ITGAM: variants seen among roughly 807,000 people sequenced by gnomAD.
ITGAM encodes the protein integrin subunit alpha M.
ITGAM carries 79 observed loss-of-function variants against 137.5 expected under a neutral mutation model. The ratio of observed to expected loss-of-function variants is 0.57; its 90% confidence interval spans 0.48 to 0.69. The LOEUF (loss-of-function observed/expected upper bound fraction) is 0.69. ITGAM is among the 30% of genes least tolerant of loss of function. The pLI is 0.00. For missense variants in ITGAM, 1,343 were observed against 1,483.5 expected, an observed-to-expected ratio of 0.91 and a Z score of 1.56; for synonymous variants, 583 against 592.3, an observed-to-expected ratio of 0.98 and a Z score of 0.23.
chr16:31,267,479 A>G (rs1293426612), intron 5 of ITGAM, among the ~76,000 whole-genome samples: 1 of 152,006 alleles, frequency 6.6e-6, no homozygotes. Flanking sequence ...ATTCTAAAGG[A>G]GCTGTAACAC....
chr16:31,287,321 A>T (rs2080039065), intron 12 of ITGAM, among the ~76,000 whole-genome samples: 1 of 151,712 alleles, frequency 6.6e-6, no homozygotes, highest in African/African-American at 2.4e-5. Context: ...CAGCTTTGTT[A>T]TTTTTGCTTA....
chr16:31,260,786 C>T (rs1208169108), intron 1 of ITGAM, among the ~76,000 whole-genome samples: 3 of 152,110 alleles, frequency 2.0e-5, no homozygotes, highest in Non-Finnish European at 4.4e-5. Context: ...CCTGGGGGCC[C>T]GATATGGCCC....
At chr16:31,314,827 T>G (rs1346529239) in intron 14 of ITGAM, among the ~76,000 whole-genome samples, 6 of 150,432 alleles carry the variant, frequency 4.0e-5, no homozygotes, top group South Asian at 4.2e-4. Flanking sequence ...CAGGGTTTTT[T>G]TTTTTTTTTT....
Position 31,331,986 on chromosome 16 carries a change from TGTGTGTGCAA to T in ITGAM, c.*289_*298del, listed in dbSNP as rs1439589300. On this transcript the variant is annotated 3_prime_UTR_variant, in exon 30 of 30. Coordinates refer to ENST00000544665, the MANE Select transcript of ITGAM (RefSeq NM_000632.4). ...GTCCAAGTGTGTGTGCGTGTGTCCA[TGTGTGTGCAA>T]GTGTGTGCATGTGTGCGAGTGTGTG... 5.6e-5 allele frequency: 28 copies of T among 502,452 alleles called. No homozygotes were observed. Among genetic ancestry groups the T allele is most frequent in the Admixed American group, 5.0e-4 (13 of 26,042 alleles). The allele number at this position is 502,452 out of a possible 1,614,324, so 31.1% of individuals were successfully genotyped here.
intron 12 of ITGAM, among the ~76,000 whole-genome samples, chr16:31,286,101 T>C (rs1024964208): frequency 1.3e-5 from 2 of 152,204 alleles, no homozygotes; most frequent in Non-Finnish European, 2.9e-5. Flanking sequence ...CATGCAGTAT[T>C]TGATTTTCTG....
At position 31,276,872 on chromosome 16, in the gene ITGAM, GT is replaced by G. The variant is rs1371587671; in HGVS notation, c.1084-46del. On this transcript the variant is annotated intron_variant, in intron 10 of 29. Coordinates refer to ENST00000544665, the MANE Select transcript of ITGAM (RefSeq NM_000632.4). ...GGAAGTAGCTCTGTGAGGGGCAGCGGTTGTCCCTTCTTCCTTCCTCATCAAC... is the reference window on the plus strand; with the variant it reads ...GGAAGTAGCTCTGTGAGGGGCAGCGGTGTCCCTTCTTCCTTCCTCATCAAC... 1.9e-6 allele frequency: 3 copies of G among 1,596,632 alleles called. No homozygotes were observed. In the African/African-American group the frequency reaches 4.0e-5, roughly 21 times the overall value.
chr16:31,321,775 G>GACAATAGCCTGCTCA, intron 16 of ITGAM, 148 bp downstream of exon 16: 1 of 811,998 alleles, frequency 1.2e-6, no homozygotes, highest in Non-Finnish European at 1.9e-6. Context: ...GAGTGAGCAG[G>GACAATAGCCTGCTCA]CTATTGTCCT....
chr16:31,300,566 T>A (rs893194815), intron 14 of ITGAM, among the ~76,000 whole-genome samples: 6 of 152,244 alleles, frequency 3.9e-5, no homozygotes, highest in African/African-American at 1.4e-4. Context: ...GTATTGGGCA[T>A]TTTTGTGTCT....
intron 14 of ITGAM, among the ~76,000 whole-genome samples, chr16:31,305,270 G>A (rs879162538): frequency 6.6e-6 from 1 of 152,020 alleles, no homozygotes; most frequent in Non-Finnish European, 1.5e-5. Flanking sequence ...TGTCATTGTT[G>A]GTGTATAGCA....
At chr16:31,288,906 T>C (rs2080057677) in intron 12 of ITGAM, among the ~76,000 whole-genome samples, 1 of 151,668 alleles carries the variant, frequency 6.6e-6, no homozygotes, top group Non-Finnish European at 1.5e-5. Context: ...TCAAACAAAT[T>C]TACAAGAAAA....
chr16:31,330,188 G>T lies in ITGAM; in HGVS notation c.3060+24G>T, dbSNP rs375209484. The T allele has an allele frequency of 2.5e-6, 4 of 1,609,668 alleles. No homozygotes were observed. The East Asian group carries it at 8.9e-5, about 36-fold the overall frequency. ...TGGTGAGAAGCTAAGTCAGCCCCAG[G>T]GCCACACAGAGACCCAGAGCGCTTC... is the stretch of plus-strand genomic sequence containing the variant. On this transcript the variant is annotated intron_variant, in intron 26 of 29. Transcript: ENST00000544665.
chr16:31,299,749 TC>T (rs1045486721), intron 14 of ITGAM, among the ~76,000 whole-genome samples: 1 of 147,754 alleles, frequency 6.8e-6, no homozygotes, highest in African/African-American at 2.6e-5. Flanking sequence ...TTCTTTTTCT[TC>T]TCCTCCTCCT....
At chr16:31,277,562 C>T (rs1356242039) in intron 11 of ITGAM, among the ~76,000 whole-genome samples, 10 of 151,974 alleles carry the variant, frequency 6.6e-5, no homozygotes, top group African/African-American at 2.2e-4. Flanking sequence ...TTCTCCATGT[C>T]GGTCAGGCTG....
chr16:31,303,642 C>A (rs984617092), intron 14 of ITGAM, among the ~76,000 whole-genome samples: 1 of 152,168 alleles, frequency 6.6e-6, no homozygotes, highest in African/African-American at 2.4e-5. Flanking sequence ...AAGTCCGTTA[C>A]ATCACTCTTG....
chr16:31,302,599 A>G (rs548046881), intron 14 of ITGAM, among the ~76,000 whole-genome samples: 1 of 149,244 alleles, frequency 6.7e-6, no homozygotes, highest in Admixed American at 6.7e-5. Context: ...CAGTGGAGTG[A>G]GCTCGGCTCA....
At chr16:31,329,034 C>A in intron 23 of ITGAM, 194 bp from the exon 24 acceptor site, 4 of 640,928 alleles carry the variant, frequency 6.2e-6, no homozygotes, top group South Asian at 5.1e-5. Context: ...GTGTGAGTGG[C>A]CCAAATGGGC....
In ITGAM at chr16:31,304,714, G is replaced by A. The variant is rs373132195; in HGVS notation, c.1707+6760G>A. 1.4e-3 allele frequency among the ~76,000 whole-genome samples: 214 copies of A among 152,222 alleles called. 3 individuals carry two copies. In the South Asian group the frequency reaches 0.043, roughly 31 times the overall value. ...TTCCCAGCGCCATTTACTGAATAGG[G>A]TGTCCTTTTCCCAATTTATGTTTTT... is the stretch of plus-strand genomic sequence containing the variant. On this transcript the variant is annotated intron_variant, in intron 14 of 29. Transcript: ENST00000544665.
chr16:31,314,212 G>T (rs1170495333), intron 14 of ITGAM, among the ~76,000 whole-genome samples: 2 of 152,066 alleles, frequency 1.3e-5, no homozygotes, highest in Non-Finnish European at 2.9e-5. Context: ...TTCTTTTGCT[G>T]TGCAGAAGCT....
rs778590336 is a variant in ITGAM at position 31,273,378 on chromosome 16, A to G, written c.718A>G (p.Asn240Asp). The change falls in exon 8 of 30, where the codon AAC (asparagine) becomes GAC (aspartate). Residue 240 changes from asparagine to aspartate, a missense_variant. Transcript: ENST00000544665. ...GIRKVVRELF[N>D]ITNGARKNAF... Reference sequence around the variant, plus strand: ...TTTCCTGCACAGACGAGAGCTGTTTAACATCACCAACGGAGCCCGAAAGAA... The same window carrying G: ...TTTCCTGCACAGACGAGAGCTGTTTGACATCACCAACGGAGCCCGAAAGAA... 2 of 1,613,580 alleles carry G rather than the reference A, an allele frequency of 1.2e-6. No individual in the cohort carries two copies. Among genetic ancestry groups the G allele is most frequent in the Non-Finnish European group, 1.7e-6 (2 of 1,179,796 alleles).
Sources: allele counts gnomAD v4.1 joint callset (sites outside exome capture counted in the v4.1 genomes callset), GRCh38; gene constraint gnomAD v4.1.1; transcripts MANE v1.5; gene names NCBI Gene and HGNC (gene_info 2026-07-23, HGNC 2026-07-21).